The following IQGAP1 variants were observed in gnomAD, a reference collection of about 807,000 sequenced individuals.
IQGAP1 encodes IQ motif containing GTPase activating protein 1.
In IQGAP1, 66 loss-of-function variants were observed where a neutral mutation model predicts 215.6. That is an observed-to-expected ratio of 0.31 (90% CI 0.25 to 0.38). The LOEUF is 0.38. Ranked by LOEUF, IQGAP1 falls within the 10% of genes least tolerant of loss-of-function variation. The probability of loss-of-function intolerance (pLI) is 1.00; values close to 1 mark genes in which losing one functional copy is unlikely to be tolerated. For missense variants in IQGAP1, 1,712 were observed against 1,997.1 expected, an observed-to-expected ratio of 0.86 and a Z score of 2.72; for synonymous variants, 772 against 728.7, an observed-to-expected ratio of 1.06 and a Z score of -0.96.
At chr15:90,444,279 G>GTA (rs369131749) in intron 9 of IQGAP1, among the ~76,000 whole-genome samples, 71 of 73,002 alleles carry the variant, frequency 9.7e-4, no homozygotes, top group African/African-American at 4.0e-3. Flanking sequence ...GTGTGTGTGT[G>GTA]TATATATATA....
intron 17 of IQGAP1, 29 bp from the exon 18 acceptor site, chr15:90,467,421 T>A (rs1470474064): frequency 1.3e-6 from 2 of 1,598,262 alleles, no homozygotes; most frequent in African/African-American, 2.7e-5. Context: ...GCTCTGGATG[T>A]CTTCTATCTT....
At chr15:90,474,377 C>A in intron 22 of IQGAP1, 108 bp from the exon 23 acceptor site, 3 of 947,218 alleles carry the variant, frequency 3.2e-6, no homozygotes, top group South Asian at 1.4e-5. Context: ...CTTAGCACAT[C>A]TCAAAATTAA....
At chr15:90,478,862 C>T (rs1185194970) in intron 26 of IQGAP1, among the ~76,000 whole-genome samples, 1 of 152,102 alleles carries the variant, frequency 6.6e-6, no homozygotes, top group Non-Finnish European at 1.5e-5. Flanking sequence ...GTGAGTTGGG[C>T]TAATTAAATT....
intron 6 of IQGAP1, among the ~76,000 whole-genome samples, chr15:90,439,768 A>G (rs1965423107): frequency 1.3e-5 from 2 of 152,194 alleles, no homozygotes; most frequent in African/African-American, 4.8e-5. Context: ...GTTGTGGGCA[A>G]AGCAAGAGGG....
chr15:90,470,443 G>A (rs890620846), intron 18 of IQGAP1, among the ~76,000 whole-genome samples: 12 of 152,178 alleles, frequency 7.9e-5, no homozygotes, highest in Admixed American at 2.0e-4. Context: ...TGCGAGGTCT[G>A]AGAAAATCTG....
chr15:90,491,233 G>A (rs1966199306), intron 33 of IQGAP1, 100 bp from the exon 34 acceptor site: 3 of 985,026 alleles, frequency 3.0e-6, no homozygotes, highest in South Asian at 3.2e-5. Flanking sequence ...CAAGGTTGGA[G>A]TTTAAGAACT....
At position 90,388,409 on chromosome 15, in the gene IQGAP1, C is replaced by G. The variant is rs1266430763; in HGVS notation, c.55+13C>G. 1 of 1,569,266 alleles carries G rather than the reference C, an allele frequency of 6.4e-7. No individual in the cohort carries two copies. The highest frequency in any genetic ancestry group is 8.6e-7 in the Non-Finnish European group (1 of 1,161,530). On this transcript the variant is annotated intron_variant, in intron 1 of 37. Coordinates refer to ENST00000268182, the MANE Select transcript of IQGAP1 (RefSeq NM_003870.4). ...CCGCACTATGGCTGTGAGTGCGGGGCTCCGCGGCGCGGGGGCTTCGGGCTG... is the reference window on the plus strand; with the variant it reads ...CCGCACTATGGCTGTGAGTGCGGGGGTCCGCGGCGCGGGGGCTTCGGGCTG...
In IQGAP1 at chr15:90,472,893, C is replaced by T; in HGVS notation, c.2232C>T (p.Ala744=). Residue 744 remains alanine, a synonymous_variant, in exon 19 of 38, where the codon GCC becomes GCT. Transcript: ENST00000268182. ...ATAACCGAGAACAGCTGTGGCTGGC[C>T]AATGAAGGCCTGATCACCAGGCTGC... ...AAYNREQLWL[A]NEGLITRLQA... 6.2e-7 allele frequency: 1 copy of T among 1,613,676 alleles called. No homozygotes were observed. Among genetic ancestry groups the T allele is most frequent in the Non-Finnish European group, 8.5e-7 (1 of 1,179,820 alleles).
At chr15:90,417,384 A>G (rs1340268016) in intron 2 of IQGAP1, among the ~76,000 whole-genome samples, 2 of 152,162 alleles carry the variant, frequency 1.3e-5, no homozygotes, top group South Asian at 2.1e-4. Flanking sequence ...TAATTTTTGT[A>G]TAACGTGTAA....
At chr15:90,405,858 A>G (rs1264866451) in intron 2 of IQGAP1, among the ~76,000 whole-genome samples, 3 of 150,624 alleles carry the variant, frequency 2.0e-5, no homozygotes, top group African/African-American at 7.3e-5. Context: ...GACTTTCTTC[A>G]GAGACTATTT....
At position 90,484,297 on chromosome 15, in the gene IQGAP1, C is replaced by T; in HGVS notation, c.3866C>T (p.Thr1289Ile). 6.2e-7 allele frequency: 1 copy of T among 1,612,532 alleles called. No individual in the cohort carries two copies. Among genetic ancestry groups the T allele is most frequent in the Non-Finnish European group, 8.5e-7 (1 of 1,178,634 alleles). The change falls in exon 30 of 38, where the codon ACC becomes ATC. Residue 1289 changes from threonine to isoleucine, a missense_variant. Thr to Ile is a moderately conservative substitution (Grantham distance 89). This residue lies in a region of IQGAP1 where 691 missense variants were observed against 923.0 expected (regional missense o/e 0.75). Transcript: ENST00000268182. The stretch of plus-strand genomic sequence containing the variant: ...GTGGATGAGTACTCTGATTTAGTAA[C>T]CCTCACCAAACCAGTAATCTACATT... ...FNVDEYSDLV[T>I]LTKPVIYISI...
chr15:90,445,321 A>T (rs531377504), intron 9 of IQGAP1, among the ~76,000 whole-genome samples: 94 of 152,062 alleles, frequency 6.2e-4, no homozygotes, highest in African/African-American at 2.2e-3. Flanking sequence ...CATTAATATT[A>T]TCGCTATGTC....
At chr15:90,485,133 C>G (rs942526011) in intron 30 of IQGAP1, among the ~76,000 whole-genome samples, 19 of 151,972 alleles carry the variant, frequency 1.3e-4, no homozygotes, top group African/African-American at 4.6e-4. Flanking sequence ...CATTTTTTCC[C>G]CTCTGGGGAC....
rs774795827 is a variant in IQGAP1, at chr15:90,388,381, C to T, written c.40C>T (p.Arg14Trp). 21 of 1,584,244 alleles carry T rather than the reference C, an allele frequency of 1.3e-5. No homozygotes were observed. The highest frequency in any genetic ancestry group is 5.6e-5 in the African/African-American group (4 of 71,236). ...ADEVDGLGVA[R>W]PHYGSVLDNE... ...CGAGGTTGACGGGCTGGGCGTGGCC[C>T]GGCCGCACTATGGCTGTGAGTGCGG... The change falls in exon 1 of 38, where the codon CGG (arginine) becomes TGG (tryptophan). Residue 14 changes from arginine to tryptophan, a missense_variant. Physicochemically the swap from Arg to Trp is moderately radical, Grantham distance 101. Around this residue, in one of 2 missense-constraint regions of IQGAP1, gnomAD observed 1,021 missense variants for 1,074.2 expected, o/e 0.95. Transcript: ENST00000268182.
intron 2 of IQGAP1, among the ~76,000 whole-genome samples, chr15:90,399,827 C>G (rs1187547753): frequency 1.3e-5 from 2 of 152,052 alleles, no homozygotes; most frequent in African/African-American, 2.4e-5. Flanking sequence ...TGTTTATTAC[C>G]TATTAGCAAT....
At chr15:90,493,546 TTTTTA>T (rs1219868344) in intron 35 of IQGAP1, among the ~76,000 whole-genome samples, 1 of 152,216 alleles carries the variant, frequency 6.6e-6, no homozygotes, top group African/African-American at 2.4e-5. Context: ...TATTCCTAAC[TTTTTA>T]TTTTAAGAGT....
intron 2 of IQGAP1, among the ~76,000 whole-genome samples, chr15:90,412,263 C>G (rs990750120): frequency 3.3e-5 from 5 of 152,146 alleles, no homozygotes; most frequent in African/African-American, 1.2e-4. Context: ...CTCAGGTTTC[C>G]TTTAAAACAG....
chr15:90,481,850 A>T, intron 26 of IQGAP1, 110 bp from the exon 27 acceptor site: 1 of 1,156,112 alleles, frequency 8.6e-7, no homozygotes, highest in Non-Finnish European at 1.2e-6. Context: ...GGATGAGCTT[A>T]AGCTATCTAA....
intron 26 of IQGAP1, among the ~76,000 whole-genome samples, chr15:90,480,026 C>T (rs1025819637): frequency 6.6e-6 from 1 of 151,990 alleles, no homozygotes; most frequent in Non-Finnish European, 1.5e-5. Context: ...CCAAAGCCCG[C>T]TGGACATTTC....
Sources: allele counts gnomAD v4.1 joint callset (sites outside exome capture counted in the v4.1 genomes callset), GRCh38; gene constraint gnomAD v4.1.1; regional missense constraint gnomAD v4.1.1; transcripts MANE v1.5; gene names NCBI Gene and HGNC (gene_info 2026-07-23, HGNC 2026-07-21).